Variants in CNTNAP2 observed in about 807,000 individuals in gnomAD.
The protein encoded by CNTNAP2 is contactin-associated protein-like 2.
CNTNAP2 carries 98 observed loss-of-function variants against 155.2 expected under a neutral mutation model. The observed-to-expected ratio is 0.63, with a 90% CI of 0.54 to 0.75. The LOEUF (loss-of-function observed/expected upper bound fraction) is 0.75, where lower values mean the gene tolerates loss of function less well. CNTNAP2 is among the 30% of genes least tolerant of loss of function. CNTNAP2 has a pLI of 0.00. For synonymous variants in CNTNAP2, 651 were observed against 631.2 expected (o/e 1.03, Z -0.47); for missense variants, 1,727 against 1,688.1 (o/e 1.02, Z -0.40).
intron 8 of CNTNAP2, among the ~76,000 whole-genome samples, chr7:147,291,023 A>C (rs1186291757): frequency 6.6e-6 from 1 of 152,178 alleles, no homozygotes; most frequent in Non-Finnish European, 1.5e-5. Context: ...GCAAACATGG[A>C]ATCAGCATAT....
chr7:147,839,939 T>TACACACACACACACACACAC (rs376480999), intron 13 of CNTNAP2, among the ~76,000 whole-genome samples: 12 of 149,746 alleles, frequency 8.0e-5, no homozygotes, highest in African/African-American at 3.0e-4. Context: ...TATATATGTA[T>TACACACACACACACACACAC]ACACACACAC....
chr7:146,230,480 A>G (rs1799365571), intron 1 of CNTNAP2, among the ~76,000 whole-genome samples: 1 of 152,232 alleles, frequency 6.6e-6, no homozygotes, highest in Non-Finnish European at 1.5e-5. Context: ...CAGTTTATAG[A>G]CAGTAAATAT....
chr7:146,509,167 T>C (rs573593909), intron 1 of CNTNAP2, among the ~76,000 whole-genome samples: 8 of 152,312 alleles, frequency 5.3e-5, no homozygotes, highest in African/African-American at 1.9e-4. Context: ...TCTCCTGAAT[T>C]ACCTGCACCA....
chr7:146,567,736 TG>T (rs1028074137), intron 1 of CNTNAP2, among the ~76,000 whole-genome samples: 6 of 152,150 alleles, frequency 3.9e-5, no homozygotes, highest in African/African-American at 1.2e-4. Flanking sequence ...AAACTTTTTT[TG>T]GGGGACGGAG....
chr7:147,925,187 G>A (rs1800368102), intron 14 of CNTNAP2, among the ~76,000 whole-genome samples: 1 of 148,342 alleles, frequency 6.7e-6, no homozygotes, highest in East Asian at 2.0e-4. Context: ...AGGAAGGAAG[G>A]AAGGAAGGAA....
At chr7:147,148,548 T>A (rs901709415) in intron 8 of CNTNAP2, among the ~76,000 whole-genome samples, 9 of 152,228 alleles carry the variant, frequency 5.9e-5, no homozygotes, top group Non-Finnish European at 1.3e-4. Flanking sequence ...TTGGTCTCGC[T>A]GACTTCGAGA....
chr7:146,846,041 A>T (rs910022015), intron 3 of CNTNAP2, among the ~76,000 whole-genome samples: 12 of 152,236 alleles, frequency 7.9e-5, no homozygotes, highest in Non-Finnish European at 1.6e-4. Flanking sequence ...ATTCTGTTAC[A>T]GTTCAATGGT....
intron 1 of CNTNAP2, among the ~76,000 whole-genome samples, chr7:146,526,417 T>C (rs1797692524): frequency 6.6e-6 from 1 of 152,172 alleles, no homozygotes; most frequent in South Asian, 2.1e-4. Context: ...TTTACATTTA[T>C]GGTGGAAGGT....
intron 3 of CNTNAP2, among the ~76,000 whole-genome samples, chr7:146,840,393 G>A (rs988112680): frequency 2.0e-5 from 3 of 152,102 alleles, no homozygotes; most frequent in East Asian, 1.9e-4. Context: ...TATGAAAGAA[G>A]AGAATAAAGC....
At chr7:146,421,786 C>A (rs1216316904) in intron 1 of CNTNAP2, among the ~76,000 whole-genome samples, 3 of 151,830 alleles carry the variant, frequency 2.0e-5, no homozygotes, top group Non-Finnish European at 4.4e-5. Flanking sequence ...ACTCCAGGGA[C>A]TTAGGCTCTT....
intron 21 of CNTNAP2, among the ~76,000 whole-genome samples, chr7:148,315,856 C>T (rs114067394): frequency 0.019 from 2,954 of 152,228 alleles, 28 homozygotes; most frequent in Middle Eastern, 0.048. Flanking sequence ...TTTATATAAA[C>T]ACCTATGGTT....
At chr7:147,755,591 G>T (rs1416483314) in intron 13 of CNTNAP2, among the ~76,000 whole-genome samples, 1 of 152,194 alleles carries the variant, frequency 6.6e-6, no homozygotes, top group Non-Finnish European at 1.5e-5. Flanking sequence ...GGTGGAGGTT[G>T]CAGAGAGCCA....
intron 3 of CNTNAP2, among the ~76,000 whole-genome samples, chr7:146,966,706 T>G (rs1236666927): frequency 1.3e-5 from 2 of 152,186 alleles, no homozygotes; most frequent in African/African-American, 2.4e-5. Flanking sequence ...GCAAATGTAC[T>G]CAGGAAAAGA....
intron 21 of CNTNAP2, among the ~76,000 whole-genome samples, chr7:148,275,807 T>A (rs993670437): frequency 1.3e-5 from 2 of 152,184 alleles, no homozygotes; most frequent in African/African-American, 4.8e-5. Flanking sequence ...TCTTGCCATA[T>A]GCTATTGACC....
chr7:146,868,290 C>T (rs985550939), intron 3 of CNTNAP2, among the ~76,000 whole-genome samples: 6 of 152,024 alleles, frequency 3.9e-5, no homozygotes, highest in African/African-American at 1.4e-4. Flanking sequence ...TTCCTCATTG[C>T]TTGTTTTGTC....
chr7:148,233,841 T>C (rs1156627811), intron 20 of CNTNAP2, among the ~76,000 whole-genome samples: 1 of 152,210 alleles, frequency 6.6e-6, no homozygotes, highest in African/African-American at 2.4e-5. Context: ...TGGGAGGTGA[T>C]TGGACCATGG....
chr7:148,357,880 T>G (rs1798546833), intron 21 of CNTNAP2, among the ~76,000 whole-genome samples: 2 of 152,214 alleles, frequency 1.3e-5, no homozygotes, highest in Admixed American at 1.3e-4. Context: ...AAACAAGTAT[T>G]CAAACAAGCA....
rs542029796 is a variant in CNTNAP2, at chr7:146,822,633, T to C, written c.209-17078T>C. Among the ~76,000 whole-genome samples, 717 of 149,272 alleles carry C rather than the reference T, an allele frequency of 4.8e-3. 7 individuals carry two copies. The highest frequency in any genetic ancestry group is 6.6e-3 in the Non-Finnish European group (444 of 67,454). ...GTTAACGAAAGAGTGAAAACATTAC[T>C]TATCAAAATACTAATAAATATTTAA... On this transcript the variant is annotated intron_variant, in intron 2 of 23. Transcript: ENST00000361727.
chr7:148,375,713 T>A (rs569467275), intron 21 of CNTNAP2, among the ~76,000 whole-genome samples: 19 of 151,644 alleles, frequency 1.3e-4, no homozygotes, highest in Non-Finnish European at 1.2e-4. Context: ...GTTTTCAGTC[T>A]AGATTTTAGA....
Sources: allele counts gnomAD v4.1 joint callset (sites outside exome capture counted in the v4.1 genomes callset), GRCh38; gene constraint gnomAD v4.1.1; transcripts MANE v1.5; gene names NCBI Gene and HGNC (gene_info 2026-07-23, HGNC 2026-07-21).